The following CELF2 variants were observed in gnomAD, a reference collection of about 807,000 sequenced individuals.
CELF2 encodes the protein CUGBP Elav-like family member 2.
A neutral mutation model predicts 62.6 loss-of-function variants in CELF2; 8 were observed. That is an observed-to-expected ratio of 0.13 (90% CI 0.07 to 0.23). The LOEUF (loss-of-function observed/expected upper bound fraction) is 0.23. Among genes scored for constraint, CELF2 ranks in the 10% least tolerant of loss-of-function variants. The pLI is 1.00. For synonymous variants in CELF2, 258 were observed against 250.0 expected (o/e 1.03, Z -0.30); for missense variants, 333 against 671.0 (o/e 0.50, Z 5.56).
chr10:11,204,791 C>T (rs535850418), intron 2 of CELF2, among the ~76,000 whole-genome samples: 5 of 152,328 alleles, frequency 3.3e-5, no homozygotes, highest in South Asian at 2.1e-4. Context: ...TCCTCCTCCC[C>T]GTCCTCATCG....
intron 1 of CELF2, among the ~76,000 whole-genome samples, chr10:11,089,291 C>T (rs1448465391): frequency 6.6e-6 from 1 of 152,162 alleles, no homozygotes; most frequent in Non-Finnish European, 1.5e-5. Context: ...GCAAAGATGA[C>T]TAATTCAGTT....
chr10:11,145,969 G>A lies in CELF2; in HGVS notation c.75-19517G>A, dbSNP rs1410405495. On this transcript the variant is annotated intron_variant, in intron 1 of 12. Coordinates refer to ENST00000633077, the MANE Select transcript of CELF2 (RefSeq NM_001326342.2). The surrounding 1 kb of genome is among the most constrained non-coding windows in gnomAD (Gnocchi z 4.3). ...AAGAACATTGTGAGAATACCTACCT[G>A]TACTCTCCTCTGGTACTTTTAGACG... 1.3e-5 allele frequency among the ~76,000 whole-genome samples: 2 copies of A among 152,094 alleles called. No homozygotes were observed. The highest frequency in any genetic ancestry group is 2.4e-5 in the African/African-American group (1 of 41,398).
intron 1 of CELF2, among the ~76,000 whole-genome samples, chr10:10,843,114 C>T (rs541479256): frequency 6.6e-6 from 1 of 151,878 alleles, no homozygotes; most frequent in East Asian, 1.9e-4. Flanking sequence ...ATCCCTTCAA[C>T]GTCCGTGGGA....
chr10:10,757,515 CAAT>C, the CELF2 span, among the ~76,000 whole-genome samples: 1 of 152,078 alleles, frequency 6.6e-6, no homozygotes, highest in Non-Finnish European at 1.5e-5. Flanking sequence ...TCAACAATGA[CAAT>C]GACACACATG....
chr10:10,903,050 G>A (rs986095267), intron 1 of CELF2, among the ~76,000 whole-genome samples: 9 of 152,144 alleles, frequency 5.9e-5, no homozygotes, highest in Non-Finnish European at 1.0e-4. Flanking sequence ...TCAGCTATCA[G>A]AGAACTCGTC....
chr10:10,580,081 A>G, the CELF2 span, among the ~76,000 whole-genome samples: 1 of 152,208 alleles, frequency 6.6e-6, no homozygotes, highest in African/African-American at 2.4e-5. Context: ...TGCAAGGAAA[A>G]TGTATTTAAA....
chr10:10,617,843 C>T, the CELF2 span, among the ~76,000 whole-genome samples: 1 of 152,074 alleles, frequency 6.6e-6, no homozygotes, highest in Non-Finnish European at 1.5e-5. Context: ...AAAGGATGCA[C>T]ATCTAATTTA....
intron 1 of CELF2, among the ~76,000 whole-genome samples, chr10:10,892,931 G>A (rs368984441): frequency 4.6e-5 from 7 of 152,206 alleles, no homozygotes; most frequent in Admixed American, 3.3e-4. Flanking sequence ...TAGAGGTGAC[G>A]GGACCTGAAA....
chr10:10,791,719 C>T, the CELF2 span, among the ~76,000 whole-genome samples: 213 of 152,188 alleles, frequency 1.4e-3, no homozygotes, highest in African/African-American at 5.0e-3. Context: ...CACGGCTCCC[C>T]AGGGTATCGA....
chr10:10,834,785 A>G (rs912824211), intron 1 of CELF2, among the ~76,000 whole-genome samples: 4 of 152,200 alleles, frequency 2.6e-5, no homozygotes, highest in Admixed American at 1.3e-4. Context: ...TATAAAAGTC[A>G]TTAACAGCAC....
chr10:10,547,731 ATC>A, the CELF2 span, among the ~76,000 whole-genome samples: 74 of 131,622 alleles, frequency 5.6e-4, 2 homozygotes, highest in African/African-American at 2.1e-3. Flanking sequence ...GTGTGTGTGT[ATC>A]TCAGCAATAA....
chr10:10,695,905 C>G, the CELF2 span, among the ~76,000 whole-genome samples: 1 of 151,496 alleles, frequency 6.6e-6, no homozygotes, highest in Non-Finnish European at 1.5e-5. Flanking sequence ...GATATACATT[C>G]TTCTAAATTT....
At chr10:10,478,479 C>A in the CELF2 span, among the ~76,000 whole-genome samples, 1 of 129,118 alleles carries the variant, frequency 7.7e-6, no homozygotes, top group Non-Finnish European at 1.6e-5. Flanking sequence ...AGCATTATTA[C>A]ATTTAATTTT....
At chr10:10,678,428 G>A in the CELF2 span, among the ~76,000 whole-genome samples, 1 of 152,076 alleles carries the variant, frequency 6.6e-6, no homozygotes, top group African/African-American at 2.4e-5. Context: ...GCTGGTCTTT[G>A]CTACCTGAAA....
the CELF2 span, among the ~76,000 whole-genome samples, chr10:10,633,337 A>G: frequency 6.6e-6 from 1 of 152,182 alleles, no homozygotes; most frequent in Non-Finnish European, 1.5e-5. Context: ...ATTCTCATCA[A>G]CACTGCTTAC....
chr10:11,292,083 A>G (rs1413774676), intron 9 of CELF2, among the ~76,000 whole-genome samples: 3 of 152,248 alleles, frequency 2.0e-5, no homozygotes, highest in Admixed American at 6.5e-5. Flanking sequence ...GGTACAAGGC[A>G]TTCTAAAATG....
intron 9 of CELF2, among the ~76,000 whole-genome samples, chr10:11,310,835 A>G (rs1289960160): frequency 6.6e-6 from 1 of 151,938 alleles, no homozygotes; most frequent in Non-Finnish European, 1.5e-5. Context: ...CCTAAAATGT[A>G]TAGTAAGATT....
chr10:10,943,044 A>C (rs1048165470), intron 2 of CELF2, among the ~76,000 whole-genome samples: 2 of 152,200 alleles, frequency 1.3e-5, no homozygotes, highest in Non-Finnish European at 2.9e-5. Context: ...TCAGAAACTT[A>C]TATTTGTACA....
chr10:11,078,997 C>T (rs979966258), intron 1 of CELF2, among the ~76,000 whole-genome samples: 1 of 152,130 alleles, frequency 6.6e-6, no homozygotes, highest in Admixed American at 6.5e-5. Flanking sequence ...TTTTCTATTG[C>T]GATTTGGAGT....
Sources: gnomAD v4.1 joint callset for allele counts (sites outside exome capture counted in the v4.1 genomes callset) on GRCh38, gnomAD v4.1.1 for gene constraint, Gnocchi (gnomAD v3.1) non-coding constraint, MANE v1.5 for transcripts, NCBI Gene and HGNC (gene_info 2026-07-23, HGNC 2026-07-21) for gene names.